Variants in GRM1 observed in about 807,000 individuals in gnomAD.
GRM1 encodes metabotropic glutamate receptor 1.
A neutral mutation model predicts 90.9 loss-of-function variants in GRM1; 33 were observed. That is an observed-to-expected ratio of 0.36 (90% confidence interval 0.28 to 0.49). The LOEUF (loss-of-function observed/expected upper bound fraction) is 0.49. Ranked by LOEUF, GRM1 falls within the 20% of genes least tolerant of loss-of-function variation. The pLI is 0.99. For synonymous variants in GRM1, 700 were observed against 613.2 expected, an observed-to-expected ratio of 1.14 and a Z score of -2.09; for missense variants, 1,190 against 1,534.3, an observed-to-expected ratio of 0.78 and a Z score of 3.75.
chr6:146,391,752 A>G (rs954830559), intron 6 of GRM1, among the ~76,000 whole-genome samples: 1 of 152,120 alleles, frequency 6.6e-6, no homozygotes, highest in South Asian at 2.1e-4. Flanking sequence ...TAAAACTTTT[A>G]AGAAACTTAC....
intron 3 of GRM1, among the ~76,000 whole-genome samples, chr6:146,313,414 C>T (rs927030318): frequency 6.6e-6 from 1 of 152,148 alleles, no homozygotes; most frequent in Non-Finnish European, 1.5e-5. Context: ...TGATTAAAAT[C>T]TATGACTGTT....
At chr6:146,313,767 A>G (rs1020530357) in intron 3 of GRM1, among the ~76,000 whole-genome samples, 4 of 152,152 alleles carry the variant, frequency 2.6e-5, no homozygotes, top group Non-Finnish European at 4.4e-5. Flanking sequence ...TGATGTATGT[A>G]TATGCCCAAG....
chr6:146,415,446 C>A (rs780752860), intron 7 of GRM1, among the ~76,000 whole-genome samples: 1 of 152,134 alleles, frequency 6.6e-6, no homozygotes, highest in Non-Finnish European at 1.5e-5. Flanking sequence ...TCAGTTCACC[C>A]AGATAAATTT....
chr6:146,081,744 C>T (rs1342499474), intron 1 of GRM1, among the ~76,000 whole-genome samples: 4 of 152,124 alleles, frequency 2.6e-5, no homozygotes, highest in African/African-American at 9.6e-5. Flanking sequence ...AGGTGTTGTG[C>T]GAGCTAGGTT....
intron 2 of GRM1, among the ~76,000 whole-genome samples, chr6:146,293,975 G>T (rs892195131): frequency 1.3e-5 from 2 of 151,172 alleles, no homozygotes; most frequent in Non-Finnish European, 3.0e-5. Flanking sequence ...GCTAAATATT[G>T]TTTTTTTGTG....
intron 5 of GRM1, among the ~76,000 whole-genome samples, chr6:146,379,834 C>G (rs921555995): frequency 2.0e-5 from 3 of 152,006 alleles, no homozygotes; most frequent in Non-Finnish European, 2.9e-5. Context: ...CATAGAGGTA[C>G]CACCTTGATT....
chr6:146,190,164 A>G (rs1017239140), intron 2 of GRM1, among the ~76,000 whole-genome samples: 3 of 152,082 alleles, frequency 2.0e-5, no homozygotes, highest in African/African-American at 7.2e-5. Flanking sequence ...AGTGGGGAAA[A>G]TTTTCACATC....
chr6:146,226,481 A>G (rs1331941330), intron 2 of GRM1, among the ~76,000 whole-genome samples: 1 of 152,144 alleles, frequency 6.6e-6, no homozygotes, highest in Non-Finnish European at 1.5e-5. Flanking sequence ...TTTGTTCTTC[A>G]GGAAAGATGT....
intron 2 of GRM1, among the ~76,000 whole-genome samples, chr6:146,232,236 G>C (rs1780473615): frequency 6.6e-6 from 1 of 152,186 alleles, no homozygotes; most frequent in East Asian, 1.9e-4. Context: ...CTAGAGGCCA[G>C]AAGTCAGAGT....
At chr6:146,296,354 T>C (rs1175184350) in intron 2 of GRM1, among the ~76,000 whole-genome samples, 5 of 152,214 alleles carry the variant, frequency 3.3e-5, no homozygotes, top group Non-Finnish European at 7.3e-5. Context: ...CATGCATACA[T>C]TCTGGAATGA....
chr6:146,150,938 GCACACACACACA>G (rs143821112), intron 1 of GRM1, among the ~76,000 whole-genome samples: 3 of 150,820 alleles, frequency 2.0e-5, no homozygotes, highest in South Asian at 2.1e-4. Flanking sequence ...GCGTGTGCGC[GCACACACACACA>G]CACACACACA....
At chr6:146,221,414 C>T (rs1780057891) in intron 2 of GRM1, among the ~76,000 whole-genome samples, 1 of 152,078 alleles carries the variant, frequency 6.6e-6, no homozygotes, top group Non-Finnish European at 1.5e-5. Flanking sequence ...TCTCATTGTT[C>T]AAATCCCACT....
intron 2 of GRM1, among the ~76,000 whole-genome samples, chr6:146,270,889 C>CTTTCTTTCTTTCTT (rs2114822885): frequency 9.3e-6 from 1 of 107,446 alleles, no homozygotes; most frequent in Admixed American, 9.8e-5. Context: ...TTCTTTCTTT[C>CTTTCTTTCTTTCTT]TTTCTTTCTT....
In GRM1 at chr6:146,237,462, C is replaced by G. The variant is rs192741595; in HGVS notation, c.951-67149C>G. Among the ~76,000 whole-genome samples the G allele has an allele frequency of 6.2e-5, 9 of 145,574 alleles. No individual in the cohort carries two copies. The East Asian group carries it at 1.8e-3, about 28-fold the overall frequency. The stretch of plus-strand genomic sequence containing the variant: ...ATAAATTATTTGTAAAATATTTTTA[C>G]AAATAGTTATTTGTAAAATATTTTT... On this transcript the variant is annotated intron_variant, in intron 2 of 7. Coordinates refer to ENST00000282753, the MANE Select transcript of GRM1 (RefSeq NM_001278064.2).
intron 1 of GRM1, among the ~76,000 whole-genome samples, chr6:146,097,390 G>A (rs1776907592): frequency 2.0e-5 from 3 of 152,170 alleles, no homozygotes. Flanking sequence ...GTATGAAGAT[G>A]TGGGATAGGT....
chr6:146,349,241 T>A (rs955229717), intron 3 of GRM1, among the ~76,000 whole-genome samples: 16 of 107,528 alleles, frequency 1.5e-4, no homozygotes, highest in African/African-American at 3.8e-4. Context: ...TATTTTTTTT[T>A]TTTTATTTTT....
At chr6:146,087,609 T>A (rs1489283628) in intron 1 of GRM1, among the ~76,000 whole-genome samples, 2 of 152,124 alleles carry the variant, frequency 1.3e-5, no homozygotes, top group East Asian at 3.9e-4. Context: ...GCTTACCTCA[T>A]CTCTAACCCC....
intron 2 of GRM1, among the ~76,000 whole-genome samples, chr6:146,255,497 G>C (rs187303115): frequency 2.2e-3 from 340 of 152,044 alleles, no homozygotes; most frequent in Admixed American, 6.3e-3. Flanking sequence ...TCAAACCAGG[G>C]GATGATTTCC....
chr6:146,215,803 C>T (rs1002128346), intron 2 of GRM1, among the ~76,000 whole-genome samples: 1 of 150,570 alleles, frequency 6.6e-6, no homozygotes, highest in Non-Finnish European at 1.5e-5. Context: ...GTTGCCCAGG[C>T]TGGAGTGCAG....
Sources: allele counts gnomAD v4.1 joint callset (sites outside exome capture counted in the v4.1 genomes callset), GRCh38; gene constraint gnomAD v4.1.1; transcripts MANE v1.5; gene names NCBI Gene and HGNC (gene_info 2026-07-23, HGNC 2026-07-21).